YPEL2: variants seen among roughly 807,000 people sequenced by gnomAD.
YPEL2 encodes yippee like 2.
Under a neutral mutation model 19.1 loss-of-function variants are expected in YPEL2, and 2 were observed. The observed-to-expected ratio is 0.10, with a 90% CI of 0.04 to 0.33. The LOEUF (loss-of-function observed/expected upper bound fraction) is 0.33. YPEL2 is among the 10% of genes least tolerant of loss of function. The pLI, the probability that YPEL2 is intolerant of heterozygous loss-of-function variation, is 1.00. For synonymous variants in YPEL2, 52 were observed against 50.0 expected (o/e 1.04, Z -0.17); for missense variants, 66 against 140.7 (o/e 0.47, Z 2.68).
Position 59,340,401 on chromosome 17 carries a change from G to C in YPEL2, c.-196+8577G>C, listed in dbSNP as rs924532901. ...TGGGATTACAGGCGTGAGCCACCGT[G>C]CCCAGCTGGAACTTTATTTATTTTT... is the stretch of plus-strand genomic sequence containing the variant. On this transcript the variant is annotated intron_variant, in intron 1 of 4. Transcript: ENST00000312655. Among the ~76,000 whole-genome samples the C allele has an allele frequency of 4.8e-4, 70 of 146,040 alleles. 1 individual carries two copies. The highest frequency in any genetic ancestry group is 2.6e-4 in the Non-Finnish European group (17 of 66,230).
rs1170778403 is a variant in YPEL2 at position 59,334,675 on chromosome 17, A to G, written c.-196+2851A>G. On this transcript the variant is annotated intron_variant, in intron 1 of 4. Transcript: ENST00000312655. ...GTGTCCAGACATATTGGTAGGATAC[A>G]TTTATTTGAATTAATGAAAGCTGCG... Among the ~76,000 whole-genome samples the G allele has an allele frequency of 2.0e-5, 3 of 152,258 alleles. 1 individual carries two copies. The highest frequency in any genetic ancestry group is 4.1e-4 in the South Asian group (2 of 4,832).
intron 4 of YPEL2, among the ~76,000 whole-genome samples, chr17:59,393,556 C>T (rs575170622): frequency 8.6e-4 from 121 of 140,962 alleles, no homozygotes; most frequent in Admixed American, 2.5e-3. Flanking sequence ...GGGTGTTTCT[C>T]GCAGAGGGGG....
intron 1 of YPEL2, among the ~76,000 whole-genome samples, chr17:59,334,778 C>T (rs994059064): frequency 6.6e-6 from 1 of 152,162 alleles, no homozygotes; most frequent in Non-Finnish European, 1.5e-5. Flanking sequence ...CTTATGGGAG[C>T]ATCAAGCGTG....
At chr17:59,365,575 G>A (rs1359125238) in intron 2 of YPEL2, among the ~76,000 whole-genome samples, 3 of 152,178 alleles carry the variant, frequency 2.0e-5, no homozygotes, top group Admixed American at 6.5e-5. Flanking sequence ...GTGACACTTC[G>A]GGTGGGGGGG....
intron 1 of YPEL2, among the ~76,000 whole-genome samples, chr17:59,340,948 C>T (rs1218917383): frequency 6.7e-6 from 1 of 149,802 alleles, no homozygotes; most frequent in Non-Finnish European, 1.5e-5. Context: ...CACCTGACCT[C>T]AGGCTATCTG....
chr17:59,387,375 C>G (rs1337597998), intron 2 of YPEL2, among the ~76,000 whole-genome samples: 2 of 151,776 alleles, frequency 1.3e-5, no homozygotes, highest in African/African-American at 4.8e-5. Flanking sequence ...TGAGTCCTAT[C>G]TGGTGCTCAC....
chr17:59,337,428 A>C (rs2047705433), intron 1 of YPEL2, among the ~76,000 whole-genome samples: 1 of 151,812 alleles, frequency 6.6e-6, no homozygotes, highest in African/African-American at 2.4e-5. Flanking sequence ...TGACCTCGTG[A>C]TCCGCCCGCC....
At chr17:59,354,584 T>G (rs1288001721) in intron 2 of YPEL2, 1 of 152,118 alleles carries the variant, frequency 6.6e-6, no homozygotes, top group Non-Finnish European at 1.5e-5. Flanking sequence ...ACCTAGGAGG[T>G]GAAGAAAGCT....
At chr17:59,356,159 A>C (rs1490304836) in intron 2 of YPEL2, 2 of 152,158 alleles carry the variant, frequency 1.3e-5, no homozygotes, top group Non-Finnish European at 2.9e-5. Flanking sequence ...CTCTTGACTT[A>C]ATCTCCTATG....
Position 59,400,960 on chromosome 17 carries a change from C to CA in YPEL2, c.*3771dup, listed in dbSNP as rs1159531734. The CA allele has an allele frequency of 2.6e-5, 4 of 152,468 alleles. No homozygotes were observed. The highest frequency in any genetic ancestry group is 5.9e-5 in the Non-Finnish European group (4 of 68,006). 9.4% of individuals were successfully genotyped at this position (152,468 alleles called of 1,614,324 possible). On this transcript the variant is annotated 3_prime_UTR_variant, in exon 5 of 5. Coordinates refer to ENST00000312655, the MANE Select transcript of YPEL2 (RefSeq NM_001005404.4). ...GCTCCTTTTTCTTGCTTTGCGTGCT[C>CA]AGTTTTTACAGACTGTAAAGGAGAT...
chr17:59,353,204 T>C lies in YPEL2; in HGVS notation c.-195-11T>C. The C allele has an allele frequency of 4.1e-6, 2 of 485,546 alleles. No homozygotes were observed. The highest frequency in any genetic ancestry group is 6.4e-5 in the South Asian group (2 of 31,412). The allele number at this position is 485,546 out of a possible 1,614,324, so 30.1% of individuals were successfully genotyped here. Reference sequence around the variant, plus strand: ...TCAGCCAATGTTAGTCCTCTTCCCTTGATGTTACAGGCTGCTGAGAACTAG... The same window carrying C: ...TCAGCCAATGTTAGTCCTCTTCCCTCGATGTTACAGGCTGCTGAGAACTAG... On this transcript the variant is annotated splice_polypyrimidine_tract_variant and intron_variant, in intron 1 of 4. Coordinates refer to ENST00000312655, the MANE Select transcript of YPEL2 (RefSeq NM_001005404.4). This position sits in a 1 kb window ranked among gnomAD's most constrained non-coding sequence, Gnocchi z 4.8.
chr17:59,382,378 C>G (rs2047953929), intron 2 of YPEL2, among the ~76,000 whole-genome samples: 1 of 108,314 alleles, frequency 9.2e-6, no homozygotes, highest in Non-Finnish European at 1.9e-5. Context: ...GTGCCATCCT[C>G]CACCCCGCCT....
intron 2 of YPEL2, among the ~76,000 whole-genome samples, chr17:59,369,058 C>CT (rs1318848622): frequency 1.3e-5 from 2 of 151,022 alleles, no homozygotes; most frequent in Non-Finnish European, 3.0e-5. Flanking sequence ...TCATGGAGGT[C>CT]TGGGGGTTTG....
At chr17:59,378,905 C>T (rs1030982573) in intron 2 of YPEL2, among the ~76,000 whole-genome samples, 13 of 152,206 alleles carry the variant, frequency 8.5e-5, no homozygotes, top group Admixed American at 2.6e-4. Flanking sequence ...GCTTTTTACC[C>T]CCATCTCAAA....
rs372357078 is a variant in YPEL2 at position 59,370,690 on chromosome 17, C to T, written c.117+17164C>T. On this transcript the variant is annotated intron_variant, in intron 2 of 4. Coordinates refer to ENST00000312655, the MANE Select transcript of YPEL2 (RefSeq NM_001005404.4). ...CCAAACATGGCACCCCAGATTGCTTCGGCTTGTTTCTTTGCTGTTTGTTTC... is the reference window on the plus strand; with the variant it reads ...CCAAACATGGCACCCCAGATTGCTTTGGCTTGTTTCTTTGCTGTTTGTTTC... 5.3e-5 allele frequency among the ~76,000 whole-genome samples: 8 copies of T among 152,234 alleles called. 1 individual carries two copies. The South Asian group carries it at 6.2e-4, about 12-fold the overall frequency.
At chr17:59,361,262 A>G (rs906974158) in intron 2 of YPEL2, among the ~76,000 whole-genome samples, 1 of 152,110 alleles carries the variant, frequency 6.6e-6, no homozygotes, top group Non-Finnish European at 1.5e-5. Context: ...TATTGATTCC[A>G]TTCTGTCTTT....
At position 59,394,935 on chromosome 17, in the gene YPEL2, G is replaced by A. The variant is rs532639227; in HGVS notation, c.271-2166G>A. On this transcript the variant is annotated intron_variant, in intron 4 of 4. Transcript: ENST00000312655. ...AACCCCGTCTCCACCAAATAAATACGAAAACCAGTCAGGCGTGGCGGCACG... is the reference window on the plus strand; with the variant it reads ...AACCCCGTCTCCACCAAATAAATACAAAAACCAGTCAGGCGTGGCGGCACG... 3.1e-4 allele frequency among the ~76,000 whole-genome samples: 47 copies of A among 152,316 alleles called. No individual in the cohort carries two copies. The East Asian group carries it at 4.4e-3, about 14-fold the overall frequency.
intron 1 of YPEL2, among the ~76,000 whole-genome samples, chr17:59,335,868 G>A (rs1161392866): frequency 1.3e-5 from 2 of 152,072 alleles, no homozygotes; most frequent in African/African-American, 4.8e-5. Context: ...AAATTTTTGC[G>A]TGGCTGACTC....
At chr17:59,381,382 G>A (rs1191124561) in intron 2 of YPEL2, among the ~76,000 whole-genome samples, 9 of 152,188 alleles carry the variant, frequency 5.9e-5, no homozygotes, top group Non-Finnish European at 1.2e-4. Context: ...ACAGAGAAGG[G>A]GGCTGAAGTT....
Sources: gnomAD v4.1 joint callset for allele counts (sites outside exome capture counted in the v4.1 genomes callset) on GRCh38, gnomAD v4.1.1 for gene constraint, Gnocchi (gnomAD v3.1) non-coding constraint, MANE v1.5 for transcripts, NCBI Gene and HGNC (gene_info 2026-07-23, HGNC 2026-07-21) for gene names.